The following RUNX1T1 variants were observed in gnomAD, a reference collection of about 807,000 sequenced individuals.
The protein encoded by RUNX1T1 is protein CBFA2T1.
In RUNX1T1, 4 loss-of-function variants were observed where a neutral mutation model predicts 62.8. The ratio of observed to expected loss-of-function variants is 0.06; its 90% CI spans 0.03 to 0.15. The LOEUF is 0.15. Ranked by LOEUF, RUNX1T1 falls within the 10% of genes least tolerant of loss-of-function variation. The probability of loss-of-function intolerance (pLI) is 1.00; values close to 1 mark genes in which losing one functional copy is unlikely to be tolerated. For synonymous variants in RUNX1T1, 291 were observed against 286.0 expected (o/e 1.02, Z -0.18); for missense variants, 508 against 754.3 (o/e 0.67, Z 3.82).
chr8:92,039,554 C>T (rs1040091932), intron 1 of RUNX1T1, among the ~76,000 whole-genome samples: 4 of 152,264 alleles, frequency 2.6e-5, no homozygotes, highest in East Asian at 1.9e-4. Flanking sequence ...TTTTAGCTAT[C>T]GCCAGTGACT....
chr8:91,982,236 C>CAAAA (rs34745107), intron 8 of RUNX1T1, among the ~76,000 whole-genome samples: 4 of 79,202 alleles, frequency 5.1e-5, no homozygotes, highest in African/African-American at 1.3e-4. Context: ...GACCCTGTCT[C>CAAAA]AAAAAAAAAA....
intron 1 of RUNX1T1, among the ~76,000 whole-genome samples, chr8:92,022,326 A>C (rs553753713): frequency 6.6e-6 from 1 of 152,298 alleles, no homozygotes; most frequent in African/African-American, 2.4e-5. Context: ...AAGATGCTGG[A>C]GACCTGAAAT....
chr8:91,980,722 G>A (rs1248791700), intron 8 of RUNX1T1, among the ~76,000 whole-genome samples: 4 of 151,756 alleles, frequency 2.6e-5, no homozygotes, highest in African/African-American at 7.3e-5. Context: ...CCCAGGCTGC[G>A]GGGCAGTGGC....
chr8:91,967,897 TCA>T (rs1301095547), intron 10 of RUNX1T1, among the ~76,000 whole-genome samples: 2 of 152,180 alleles, frequency 1.3e-5, no homozygotes, highest in African/African-American at 4.8e-5. Flanking sequence ...GAATATTGTT[TCA>T]GTAGGAATAC....
At chr8:92,043,735 G>A (rs555318001) in intron 1 of RUNX1T1, among the ~76,000 whole-genome samples, 1 of 152,024 alleles carries the variant, frequency 6.6e-6, no homozygotes, top group African/African-American at 2.4e-5. Flanking sequence ...CCAGCACTCT[G>A]GTAGGCTGAG....
intron 10 of RUNX1T1, among the ~76,000 whole-genome samples, chr8:91,970,043 T>TGTGTGTGTGTGTGTGTTGTGTG (rs11374252): frequency 4.2e-5 from 6 of 142,808 alleles, no homozygotes; most frequent in African/African-American, 1.6e-4. Context: ...TGTGTGTGTG[T>TGTGTGTGTGTGTGTGTTGTGTG]TGTGTGTGTG....
chr8:91,956,307 C>T (rs994496912), downstream of RUNX1T1: 9 of 231,220 alleles, frequency 3.9e-5, no homozygotes, highest in African/African-American at 1.8e-4. Flanking sequence ...TGAATGAGCT[C>T]GACTTTTGCA....
intron 5 of RUNX1T1, among the ~76,000 whole-genome samples, chr8:92,000,417 T>C (rs914233857): frequency 6.6e-6 from 1 of 152,204 alleles, no homozygotes; most frequent in Non-Finnish European, 1.5e-5. Context: ...GTGGAATACA[T>C]AATAGATGCA....
At chr8:92,008,365 A>T (rs1283092280) in intron 4 of RUNX1T1, among the ~76,000 whole-genome samples, 1 of 103,826 alleles carries the variant, frequency 9.6e-6, no homozygotes, top group Non-Finnish European at 1.9e-5. Flanking sequence ...TGGGTGCCAC[A>T]TATCTCTCTC....
chr8:92,092,849 ATTTT>A (rs570994032), intron 1 of RUNX1T1, among the ~76,000 whole-genome samples: 57 of 151,228 alleles, frequency 3.8e-4, no homozygotes, highest in African/African-American at 1.1e-3. Context: ...AGAATAGAAA[ATTTT>A]TTTTTTATTT....
chr8:92,065,203 G>A (rs897413770), upstream of RUNX1T1, among the ~76,000 whole-genome samples: 4 of 152,028 alleles, frequency 2.6e-5, no homozygotes, highest in African/African-American at 9.7e-5. Context: ...AATAAAAGGA[G>A]GATATGGAGC....
chr8:91,970,900 A>T (rs1346558019), intron 9 of RUNX1T1, 52 bp from the exon 11 acceptor site: 18 of 1,427,354 alleles, frequency 1.3e-5, no homozygotes, highest in Admixed American at 7.4e-5. Flanking sequence ...CAGTTAGCCG[A>T]AGTCATTGGA....
At chr8:92,075,910 G>T in intron 2 of RUNX1T1, 55 bp downstream of exon 2, 2 of 1,457,904 alleles carry the variant, frequency 1.4e-6, no homozygotes, top group South Asian at 1.2e-5. Context: ...AAAATAGATT[G>T]ATTTTTCTGG....
chr8:92,095,164 T>C (rs1230893812), intron 1 of RUNX1T1: 5 of 1,535,292 alleles, frequency 3.3e-6, no homozygotes, highest in Non-Finnish European at 3.5e-6. Context: ...GTAAATTCTC[T>C]CCGCCAGCTA....
At chr8:92,071,059 T>C (rs1833597862) in intron 2 of RUNX1T1, among the ~76,000 whole-genome samples, 1 of 152,192 alleles carries the variant, frequency 6.6e-6, no homozygotes, top group Middle Eastern at 3.2e-3. Flanking sequence ...TCTCAGAATA[T>C]TTATCCCATG....
At chr8:91,997,331 G>A (rs912397081) in intron 5 of RUNX1T1, among the ~76,000 whole-genome samples, 1 of 151,908 alleles carries the variant, frequency 6.6e-6, no homozygotes, top group Non-Finnish European at 1.5e-5. Context: ...TGGCAGAAGC[G>A]GGTGTAAGTT....
At position 92,060,549 on chromosome 8, in the gene RUNX1T1, ATATATGTGTGTG is replaced by A. The variant is rs1387098239; in HGVS notation, c.7+1985_7+1996del. The stretch of plus-strand genomic sequence containing the variant: ...TATATATATATATATATATATATAT[ATATATGTGTGTG>A]TGTGTGTGTGTGTGTGTGTGTGTGT... On this transcript the variant is annotated intron_variant, in intron 1 of 10. Coordinates refer to ENST00000396218, the Ensembl canonical transcript of RUNX1T1. Among the ~76,000 whole-genome samples, 9 of 107,050 alleles carry A rather than the reference ATATATGTGTGTG, an allele frequency of 8.4e-5. No homozygotes were observed. In the South Asian group the frequency reaches 1.1e-3, roughly 13 times the overall value. The allele number at this position is 107,050 out of a possible 152,430, so 70.2% of individuals were successfully genotyped here. A position where few individuals can be genotyped will look rare whatever the true frequency, so the allele number is the denominator to read the frequency against.
chr8:91,979,898 C>T (rs1259842306), intron 8 of RUNX1T1: 1 of 528,898 alleles, frequency 1.9e-6, no homozygotes, highest in Non-Finnish European at 3.7e-6. Flanking sequence ...CAGCAATGCT[C>T]AAAGCTGGGC....
chr8:91,995,697 G>T (rs1586887971), intron 5 of RUNX1T1, among the ~76,000 whole-genome samples: 1 of 152,044 alleles, frequency 6.6e-6, no homozygotes, highest in African/African-American at 2.4e-5. Context: ...TGGGGCAGGA[G>T]GATCACTTGA....
Sources: allele counts gnomAD v4.1 joint callset (sites outside exome capture counted in the v4.1 genomes callset), GRCh38; gene constraint gnomAD v4.1.1; transcripts MANE v1.5; gene names NCBI Gene and HGNC (gene_info 2026-07-23, HGNC 2026-07-21).